Variants in ANKLE2 observed in about 807,000 individuals in gnomAD.
ANKLE2 encodes ankyrin repeat and LEM domain-containing protein 2.
Under a neutral mutation model 84.2 loss-of-function variants are expected in ANKLE2, and 55 were observed. That is an observed-to-expected ratio of 0.65 (90% CI 0.53 to 0.82). The LOEUF (loss-of-function observed/expected upper bound fraction) is 0.82, where lower values mean the gene tolerates loss of function less well. ANKLE2 is among the 40% of genes least tolerant of loss of function. The probability of loss-of-function intolerance (pLI) is 0.00; values close to 1 mark genes in which losing one functional copy is unlikely to be tolerated. For synonymous variants in ANKLE2, 551 were observed against 486.1 expected (o/e 1.13, Z -1.76); for missense variants, 1,238 against 1,201.9 (o/e 1.03, Z -0.44).
At chr12:132,746,211 T>C (rs1288839626) in intron 5 of ANKLE2, among the ~76,000 whole-genome samples, 1 of 151,998 alleles carries the variant, frequency 6.6e-6, no homozygotes, top group Non-Finnish European at 1.5e-5. Context: ...TAGCCAGGCA[T>C]GGTGGCGGGT....
At position 132,746,334 on chromosome 12, in the gene ANKLE2, G is replaced by A. The variant is rs892595861; in HGVS notation, c.1230+1498C>T. ...ACTGCACTCCCACCTGGGAGACAGA[G>A]CAAGACTCTGTCTCAAAAAAAAAAA... is the stretch of plus-strand genomic sequence containing the variant. On this transcript the variant is annotated intron_variant, in intron 5 of 12. Coordinates refer to ENST00000357997, the MANE Select transcript of ANKLE2 (RefSeq NM_015114.3). 3.3e-5 allele frequency among the ~76,000 whole-genome samples: 4 copies of A among 121,794 alleles called. 1 individual carries two copies. In the Admixed American group the frequency reaches 3.7e-4, roughly 11 times the overall value. The allele number at this position is 121,794 out of a possible 152,430, so 79.9% of individuals were successfully genotyped here. A position where few individuals can be genotyped will look rare whatever the true frequency, so the allele number is the denominator to read the frequency against.
At chr12:132,735,555 G>A (rs200261808) in intron 8 of ANKLE2, 43 bp from the exon 9 acceptor site, 177 of 1,530,074 alleles carry the variant, frequency 1.2e-4, no homozygotes, top group East Asian at 1.6e-4. Context: ...CAGGCACTGC[G>A]CCCCTCAGCT....
At chr12:132,745,091 G>C (rs535241340) in intron 5 of ANKLE2, 2 of 152,674 alleles carry the variant, frequency 1.3e-5, no homozygotes, top group South Asian at 4.1e-4. Context: ...CTGCCTGCTC[G>C]GCTCCCACAG....
At chr12:132,753,131 G>A (rs966145968) in intron 2 of ANKLE2, among the ~76,000 whole-genome samples, 11 of 151,950 alleles carry the variant, frequency 7.2e-5, no homozygotes, top group African/African-American at 2.7e-4. Flanking sequence ...GGCAACATGG[G>A]GAAACATTGT....
Position 132,727,032 on chromosome 12 carries a change from C to T in ANKLE2, c.*210G>A, listed in dbSNP as rs921683030. ...TGGATATTTTCCAGAAAATTGGTAA[C>T]TGAGTTTGCTTTCATTAACTTCTAA... On this transcript the variant is annotated 3_prime_UTR_variant, in exon 13 of 13. Transcript: ENST00000357997. 1.0e-5 allele frequency: 6 copies of T among 599,720 alleles called. No individual in the cohort carries two copies. The highest frequency in any genetic ancestry group is 6.7e-5 in the Admixed American group (2 of 30,010). The allele number at this position is 599,720 out of a possible 1,614,324, so 37.1% of individuals were successfully genotyped here. A position where few individuals can be genotyped will look rare whatever the true frequency, so the allele number is the denominator to read the frequency against.
intron 5 of ANKLE2, among the ~76,000 whole-genome samples, chr12:132,744,318 G>A (rs2044189780): frequency 1.3e-5 from 2 of 152,166 alleles, no homozygotes; most frequent in Non-Finnish European, 2.9e-5. Flanking sequence ...TTTACACCTA[G>A]CACAGCCAGA....
rs376116293 is a variant in ANKLE2, at chr12:132,747,872, C to T, written c.1190G>A (p.Arg397His). ...DDEAMLQKRI[R>H]YVVDLYLNTP... ...GTTGAGGTACAGGTCCACCACGTAA[C>T]GGATACGCTTCTGCAGCATGGCCTC... The change falls in exon 5 of 13, where the codon CGT becomes CAT. Residue 397 changes from arginine to histidine, a missense_variant. Physicochemically the swap from Arg to His is conservative, Grantham distance 29. Around this residue, in one of 3 missense-constraint regions of ANKLE2, gnomAD observed 802 missense variants for 774.5 expected, o/e 1.04. Coordinates refer to ENST00000357997, the MANE Select transcript of ANKLE2 (RefSeq NM_015114.3). 8.7e-5 allele frequency: 140 copies of T among 1,611,046 alleles called. No homozygotes were observed. Among genetic ancestry groups the T allele is most frequent in the Middle Eastern group, 1.6e-4 (1 of 6,068 alleles).
chr12:132,755,698 C>G (rs971469111), intron 1 of ANKLE2: 2 of 150,468 alleles, frequency 1.3e-5, no homozygotes, highest in Non-Finnish European at 3.0e-5. Context: ...GTAGCTGGGA[C>G]TACAGGCGCC....
chr12:132,737,007 C>T lies in ANKLE2; in HGVS notation c.1479G>A (p.Glu493=), dbSNP rs550549440. The T allele has an allele frequency of 3.1e-6, 5 of 1,613,274 alleles. No homozygotes were observed. In the East Asian group the frequency reaches 1.1e-4, roughly 36 times the overall value. ...CAGCCGTCTGGTCTGGGGACCACAG[C>T]TCCCCGATGACTGGAGAAGAAGTCT... The part of the protein sequence containing the change: ...AEETSSPVIG[E]LWSPDQTAEA... Residue 493 remains glutamate, a synonymous_variant, in exon 8 of 13, where the codon GAG becomes GAA. Transcript: ENST00000357997.
chr12:132,732,892 A>T (rs867578805), intron 10 of ANKLE2, among the ~76,000 whole-genome samples: 1,018 of 30,894 alleles, frequency 0.033, 1 homozygote, highest in South Asian at 0.04. Context: ...TGGTGTCTGA[A>T]ATGCACCGTG....
chr12:132,745,611 A>C (rs1023332613), intron 5 of ANKLE2: 1 of 156,220 alleles, frequency 6.4e-6, no homozygotes, highest in Admixed American at 6.5e-5. Flanking sequence ...CGGAGACGTA[A>C]GGAAATTTGC....
At chr12:132,727,865 G>A (rs985692456) in intron 12 of ANKLE2, among the ~76,000 whole-genome samples, 167 bp downstream of exon 12, 1 of 152,220 alleles carries the variant, frequency 6.6e-6, no homozygotes, top group African/African-American at 2.4e-5. Context: ...CCCAACCAGA[G>A]CTCTGTCCTG....
intron 5 of ANKLE2, 74 bp downstream of exon 5, chr12:132,747,758 G>A (rs2044269048): frequency 1.2e-5 from 19 of 1,537,456 alleles, no homozygotes; most frequent in Non-Finnish European, 1.5e-5. Flanking sequence ...GTAACTTGTC[G>A]ATAAAGCATT....
chr12:132,747,748 G>A (rs753120951), intron 5 of ANKLE2, 84 bp downstream of exon 5: 35 of 1,512,142 alleles, frequency 2.3e-5, no homozygotes, highest in Non-Finnish European at 2.8e-5. Flanking sequence ...ATACTAATGA[G>A]TAACTTGTCG....
intron 3 of ANKLE2, among the ~76,000 whole-genome samples, chr12:132,748,625 G>T (rs1196050880): frequency 1.3e-5 from 2 of 151,934 alleles, no homozygotes; most frequent in Non-Finnish European, 2.9e-5. Flanking sequence ...CATGAGCACA[G>T]CAAGTGGAAG....
Position 132,754,842 on chromosome 12 carries a change from C to T in ANKLE2, c.473G>A (p.Gly158Asp). Residue 158 changes from glycine (G) to aspartate (D), a missense_variant, in exon 2 of 13, where the codon GGT becomes GAT. Gly to Asp is a moderately conservative substitution (Grantham distance 94). Around this residue, in one of 3 missense-constraint regions of ANKLE2, gnomAD observed 422 missense variants for 394.5 expected, o/e 1.07. Coordinates refer to ENST00000357997, the MANE Select transcript of ANKLE2 (RefSeq NM_015114.3). Reference sequence around the variant, plus strand: ...TGGAGGATTCAGGCCCACACTGTAACCAAAATCTCTGTCTTCAGAAAAACC... The same window carrying T: ...TGGAGGATTCAGGCCCACACTGTAATCAAAATCTCTGTCTTCAGAAAAACC... ...QAGFSEDRDFGYSVGLNPPEE... is the reference protein window; with the variant it reads ...QAGFSEDRDFDYSVGLNPPEE... 6.2e-7 allele frequency: 1 copy of T among 1,614,184 alleles called. No individual in the cohort carries two copies. The highest frequency in any genetic ancestry group is 1.1e-5 in the South Asian group (1 of 91,084).
In ANKLE2 at chr12:132,740,954, G is replaced by C. The variant is rs956319636; in HGVS notation, c.1420+465C>G. Among the ~76,000 whole-genome samples the C allele has an allele frequency of 6.7e-5, 10 of 150,258 alleles. No homozygotes were observed. In the East Asian group the frequency reaches 2.0e-3, roughly 29 times the overall value. On this transcript the variant is annotated intron_variant, in intron 7 of 12. Coordinates refer to ENST00000357997, the MANE Select transcript of ANKLE2 (RefSeq NM_015114.3). The stretch of plus-strand genomic sequence containing the variant: ...AGGAGGCAGCTTCAGAATCGAAGGA[G>C]TGACAGGGAGCGACCCCCACCCCAA...
chr12:132,734,579 T>C lies in ANKLE2; in HGVS notation c.1701-4A>G. 1 of 1,598,836 alleles carries C rather than the reference T, an allele frequency of 6.3e-7. No homozygotes were observed. Among genetic ancestry groups the C allele is most frequent in the Non-Finnish European group, 8.5e-7 (1 of 1,174,124 alleles). The stretch of plus-strand genomic sequence containing the variant: ...CCCCAGCTCATGAGCTAGCTCCCTG[T>C]AAGAAACAAAACACAATTAACCAGC... On this transcript the variant is annotated splice_polypyrimidine_tract_variant and splice_region_variant and intron_variant, in intron 9 of 12. Coordinates refer to ENST00000357997, the MANE Select transcript of ANKLE2 (RefSeq NM_015114.3).
At chr12:132,739,691 C>A (rs1401752404) in intron 7 of ANKLE2, among the ~76,000 whole-genome samples, 1 of 152,222 alleles carries the variant, frequency 6.6e-6, no homozygotes, top group Non-Finnish European at 1.5e-5. Flanking sequence ...CCTTCCTCAT[C>A]TTCACACAAG....
Sources: gnomAD v4.1 joint callset for allele counts (sites outside exome capture counted in the v4.1 genomes callset) on GRCh38, gnomAD v4.1.1 for gene constraint, gnomAD v4.1.1 regional missense constraint, MANE v1.5 for transcripts, NCBI Gene and HGNC (gene_info 2026-07-23, HGNC 2026-07-21) for gene names.